OLFM1: variants seen among roughly 807,000 people sequenced by gnomAD.
OLFM1 encodes olfactomedin 1, also known as noelin.
In OLFM1, 9 loss-of-function variants were observed where a neutral mutation model predicts 49.7. The observed-to-expected ratio is 0.18, with a 90% CI of 0.11 to 0.32. The LOEUF (loss-of-function observed/expected upper bound fraction) is 0.32. Ranked by LOEUF, OLFM1 falls within the 10% of genes least tolerant of loss-of-function variation. The pLI is 1.00. For missense variants in OLFM1, 369 were observed against 661.8 expected (o/e 0.56, Z 4.85); for synonymous variants, 240 against 271.8 (o/e 0.88, Z 1.15).
chr9:135,117,689 G>T lies in OLFM1; in HGVS notation c.784-1815G>T, dbSNP rs762414975. Among the ~76,000 whole-genome samples, 6 of 152,220 alleles carry T rather than the reference G, an allele frequency of 3.9e-5. No individual in the cohort carries two copies. The highest frequency in any genetic ancestry group is 7.3e-5 in the Non-Finnish European group (5 of 68,044). ...CTATGGGCCAGGCCCCTGGCTAGGGGTATGGCAGTGAACAGATAGGTGCAG... is the reference window on the plus strand; with the variant it reads ...CTATGGGCCAGGCCCCTGGCTAGGGTTATGGCAGTGAACAGATAGGTGCAG... On this transcript the variant is annotated intron_variant, in intron 5 of 5. Coordinates refer to ENST00000371793, the MANE Select transcript of OLFM1 (RefSeq NM_001282611.2). This position sits in a 1 kb window ranked among gnomAD's most constrained non-coding sequence, Gnocchi z 5.5.
Position 135,106,699 on chromosome 9 carries a change from C to T in OLFM1, c.677-50C>T, listed in dbSNP as rs183739717. On this transcript the variant is annotated intron_variant, in intron 4 of 5. Coordinates refer to ENST00000371793, the MANE Select transcript of OLFM1 (RefSeq NM_001282611.2). ...GCAGTCGAGGTCAGGGTCATCACCGCGGGCCGGGGCCCCCGCCCTCCCTCT... is the reference window on the plus strand; with the variant it reads ...GCAGTCGAGGTCAGGGTCATCACCGTGGGCCGGGGCCCCCGCCCTCCCTCT... The T allele has an allele frequency of 8.0e-5, 118 of 1,469,436 alleles. No homozygotes were observed. In the Admixed American group the frequency reaches 9.4e-4, roughly 12 times the overall value. 91.0% of individuals were successfully genotyped at this position (1,469,436 alleles called of 1,614,324 possible).
chr9:135,103,924 C>A (rs1001537308), intron 4 of OLFM1, among the ~76,000 whole-genome samples: 1 of 152,214 alleles, frequency 6.6e-6, no homozygotes. Context: ...GGAAGAGGGT[C>A]ACCCTCCCTC....
chr9:135,120,277 C>T lies in OLFM1; in HGVS notation c.*99C>T, dbSNP rs1831169373. ...TACCAATAACACTAACAATACCGAT[C>T]TTGAAAAATCATCAGCAGTGCGGAT... On this transcript the variant is annotated 3_prime_UTR_variant, in exon 6 of 6. Transcript: ENST00000371793. 1 of 1,034,880 alleles carries T rather than the reference C, an allele frequency of 9.7e-7. No individual in the cohort carries two copies. The highest frequency in any genetic ancestry group is 1.4e-6 in the Non-Finnish European group (1 of 714,706). 64.1% of individuals were successfully genotyped at this position (1,034,880 alleles called of 1,614,324 possible). A position where few individuals can be genotyped will look rare whatever the true frequency, so the allele number is the denominator to read the frequency against.
At chr9:135,090,146 G>T in intron 1 of OLFM1, 49 bp from the exon 2 acceptor site, 4 of 1,535,958 alleles carry the variant, frequency 2.6e-6, no homozygotes, top group South Asian at 1.2e-5. Flanking sequence ...CAACCTCATG[G>T]TCTCCCTTTC....
intron 1 of OLFM1, chr9:135,076,935 C>G (rs1321635340): frequency 2.6e-6 from 4 of 1,550,528 alleles, no homozygotes; most frequent in Non-Finnish European, 3.5e-6. Flanking sequence ...CTCCCTGGCT[C>G]TGCCCAGGAT....
chr9:135,115,396 C>T (rs369530136), intron 5 of OLFM1, among the ~76,000 whole-genome samples: 11 of 152,232 alleles, frequency 7.2e-5, no homozygotes, highest in South Asian at 2.1e-4. Flanking sequence ...TGATGGGTGA[C>T]GCAGGGACAG....
At chr9:135,096,209 A>C (rs1454153888) in intron 3 of OLFM1, among the ~76,000 whole-genome samples, 190 bp downstream of exon 3, 2,472 of 34,532 alleles carry the variant, frequency 0.072, no homozygotes, top group African/African-American at 0.09. Context: ...CCCCCTCTTC[A>C]TCCTCCTCTT....
At chr9:135,116,266 A>G (rs1831094732) in intron 5 of OLFM1, among the ~76,000 whole-genome samples, 1 of 152,054 alleles carries the variant, frequency 6.6e-6, no homozygotes, top group Non-Finnish European at 1.5e-5. Flanking sequence ...TGGCAACTGG[A>G]TCTCAGCCTC....
intron 5 of OLFM1, among the ~76,000 whole-genome samples, chr9:135,111,451 C>G (rs147314350): frequency 1.3e-5 from 2 of 152,096 alleles, no homozygotes; most frequent in African/African-American, 4.8e-5. Flanking sequence ...GATCAGTGTG[C>G]GAGACCTCCA....
chr9:135,084,375 C>G (rs1194498889), upstream of OLFM1, among the ~76,000 whole-genome samples: 829 of 149,254 alleles, frequency 5.6e-3, 20 homozygotes, highest in African/African-American at 0.02. The surrounding 1 kb of genome is among the most constrained non-coding windows in gnomAD (Gnocchi z 4.6). Context: ...CGTCTCTTCT[C>G]TCTCTCCTCT....
rs1019419410 is a variant in OLFM1, at chr9:135,119,825, G to A, written c.1105G>A (p.Ala369Thr). ...VDESGLWAVY[A>T]TNQNAGNIVV... ...CGAGAGCGGGCTGTGGGCCGTGTAC[G>A]CCACCAACCAGAACGCTGGCAACAT... The change falls in exon 6 of 6, where the codon GCC becomes ACC. Residue 369 changes from alanine to threonine, a missense_variant. Coordinates refer to ENST00000371793, the MANE Select transcript of OLFM1 (RefSeq NM_001282611.2). 7 of 1,613,720 alleles carry A rather than the reference G, an allele frequency of 4.3e-6. No homozygotes were observed. Among genetic ancestry groups the A allele is most frequent in the Admixed American group, 1.7e-5 (1 of 60,000 alleles).
In OLFM1 at chr9:135,121,046, G is replaced by A. The variant is rs928527387; in HGVS notation, c.*868G>A. Reference sequence around the variant, plus strand: ...CCGCAGATAGGAAGGGCTCGCCTGGGGAAACTCTGGTTTCCGATGGGACAG... The same window carrying A: ...CCGCAGATAGGAAGGGCTCGCCTGGAGAAACTCTGGTTTCCGATGGGACAG... On this transcript the variant is annotated 3_prime_UTR_variant, in exon 6 of 6. Transcript: ENST00000371793. 1.3e-5 allele frequency: 2 copies of A among 152,326 alleles called. No individual in the cohort carries two copies. Among genetic ancestry groups the A allele is most frequent in the Non-Finnish European group, 2.9e-5 (2 of 68,032 alleles). 9.4% of individuals were successfully genotyped at this position (152,326 alleles called of 1,614,324 possible).
At chr9:135,076,108 G>A (rs1254642835) in intron 1 of OLFM1, 3 of 1,542,918 alleles carry the variant, frequency 1.9e-6, no homozygotes, top group East Asian at 2.5e-5. Context: ...CAGCACGAGG[G>A]GGTCTTTGGC....
chr9:135,120,315 G>GTAATGCCATCCCTC lies in OLFM1; in HGVS notation c.*137_*138insTAATGCCATCCCTC. 1 of 752,348 alleles carries GTAATGCCATCCCTC rather than the reference G, an allele frequency of 1.3e-6. No individual in the cohort carries two copies. Among genetic ancestry groups the GTAATGCCATCCCTC allele is most frequent in the Non-Finnish European group, 2.1e-6 (1 of 475,824 alleles). 46.6% of individuals were successfully genotyped at this position (752,348 alleles called of 1,614,324 possible). A position where few individuals can be genotyped will look rare whatever the true frequency, so the allele number is the denominator to read the frequency against. ...CAGCAGTGCGGATTCTGACATCGAGGGATGGCATTACCTCCGTGTTTCTCC... is the reference window on the plus strand; with the variant it reads ...CAGCAGTGCGGATTCTGACATCGAGGTAATGCCATCCCTCGATGGCATTACCTCCGTGTTTCTCC... On this transcript the variant is annotated 3_prime_UTR_variant, in exon 6 of 6. Coordinates refer to ENST00000371793, the MANE Select transcript of OLFM1 (RefSeq NM_001282611.2).
At chr9:135,111,875 A>AT (rs143579524) in intron 5 of OLFM1, among the ~76,000 whole-genome samples, 42,100 of 151,658 alleles carry the variant, frequency 0.28, 6,796 homozygotes, top group Non-Finnish European at 0.39. Context: ...ACTTCCGGCT[A>AT]TTTTTTTTCT....
chr9:135,083,048 A>G (rs1830551764), upstream of OLFM1, among the ~76,000 whole-genome samples: 4 of 152,232 alleles, frequency 2.6e-5, no homozygotes, highest in South Asian at 8.3e-4. Context: ...GTTTCTCATC[A>G]TGATGTCACC....
At chr9:135,084,292 G>C (rs35699517), upstream of OLFM1, among the ~76,000 whole-genome samples, 72,232 of 151,644 alleles carry the variant, frequency 0.48, 19,339 homozygotes, top group African/African-American at 0.73. The surrounding 1 kb of genome is among the most constrained non-coding windows in gnomAD (Gnocchi z 4.6). Flanking sequence ...TTCTCTCTCT[G>C]TGTCACTCTA....
chr9:135,100,829 A>G (rs1830860613), intron 4 of OLFM1, among the ~76,000 whole-genome samples: 1 of 152,182 alleles, frequency 6.6e-6, no homozygotes, highest in Admixed American at 6.5e-5. Context: ...CACTGTGCCC[A>G]GCAGAGGAGG....
At chr9:135,102,521 T>TA (rs2119124000) in intron 4 of OLFM1, among the ~76,000 whole-genome samples, 1 of 152,284 alleles carries the variant, frequency 6.6e-6, no homozygotes, top group South Asian at 2.1e-4. Flanking sequence ...GTTCTCCAGA[T>TA]GACAGGCGGT....
Sources: allele counts gnomAD v4.1 joint callset (sites outside exome capture counted in the v4.1 genomes callset), GRCh38; gene constraint gnomAD v4.1.1; non-coding constraint Gnocchi (gnomAD v3.1); transcripts MANE v1.5; gene names NCBI Gene and HGNC (gene_info 2026-07-23, HGNC 2026-07-21).